PUM3: variants seen among roughly 807,000 people sequenced by gnomAD.
The protein encoded by PUM3 is pumilio RNA binding family member 3.
In PUM3, 91 loss-of-function variants were observed where a neutral mutation model predicts 84.0. The ratio of observed to expected loss-of-function variants is 1.08; its 90% CI spans 0.91 to 1.29. PUM3 has a LOEUF of 1.29. Ranked by LOEUF, PUM3 falls within the 50% of genes most tolerant of loss-of-function variation. The pLI, the probability that PUM3 is intolerant of heterozygous loss-of-function variation, is 0.00. For synonymous variants in PUM3, 321 were observed against 266.7 expected, an observed-to-expected ratio of 1.20 and a Z score of -1.98; for missense variants, 1,067 against 767.5, an observed-to-expected ratio of 1.39 and a Z score of -4.61.
intron 13 of PUM3, among the ~76,000 whole-genome samples, chr9:2,812,913 C>T (rs907944706): frequency 1.3e-5 from 2 of 152,142 alleles, no homozygotes; most frequent in Non-Finnish European, 2.9e-5. Context: ...AATGTAGCAC[C>T]GGCATGAATG....
chr9:2,840,057 T>G (rs1044432553), intron 1 of PUM3, among the ~76,000 whole-genome samples: 2 of 152,156 alleles, frequency 1.3e-5, no homozygotes, highest in African/African-American at 2.4e-5. Context: ...TATTCCTCAT[T>G]TGGGGTTTGC....
intron 5 of PUM3, among the ~76,000 whole-genome samples, chr9:2,832,103 A>G (rs189414620): frequency 2.5e-4 from 38 of 152,302 alleles, no homozygotes; most frequent in Non-Finnish European, 4.9e-4. Flanking sequence ...AAGTTTCTGA[A>G]TTCCAACAAA....
chr9:2,812,203 A>G lies in PUM3; in HGVS notation c.1412+17T>C. On this transcript the variant is annotated intron_variant, in intron 14 of 17. Transcript: ENST00000397885. Reference sequence around the variant, plus strand: ...AACAGAGGAATAAAGAAGTCAAGCCATTCTACTTGGTTTTACCTGTGTGCA... The same window carrying G: ...AACAGAGGAATAAAGAAGTCAAGCCGTTCTACTTGGTTTTACCTGTGTGCA... The G allele has an allele frequency of 1.2e-6, 2 of 1,610,374 alleles. No individual in the cohort carries two copies. Among genetic ancestry groups the G allele is most frequent in the Non-Finnish European group, 1.7e-6 (2 of 1,176,760 alleles).
chr9:2,806,448 A>C (rs10968241), intron 17 of PUM3, among the ~76,000 whole-genome samples: 4,276 of 152,214 alleles, frequency 0.028, 180 homozygotes, highest in African/African-American at 0.092. Context: ...GAAACACTTA[A>C]AATAACATTT....
At chr9:2,827,552 G>C (rs1156594269) in intron 9 of PUM3, among the ~76,000 whole-genome samples, 1 of 152,114 alleles carries the variant, frequency 6.6e-6, no homozygotes, top group African/African-American at 2.4e-5. Flanking sequence ...CAATCCATCT[G>C]TTTCACAAAA....
At chr9:2,826,711 T>C (rs1395449577) in intron 10 of PUM3, among the ~76,000 whole-genome samples, 1 of 152,210 alleles carries the variant, frequency 6.6e-6, no homozygotes, top group Non-Finnish European at 1.5e-5. Flanking sequence ...AACCTTTTAA[T>C]GCCAAGCTAA....
intron 13 of PUM3, among the ~76,000 whole-genome samples, chr9:2,817,365 T>G (rs1208548796): frequency 1.3e-5 from 2 of 152,144 alleles, no homozygotes; most frequent in African/African-American, 4.8e-5. Context: ...ATAATGGTTT[T>G]TACATTTCAA....
intron 17 of PUM3, among the ~76,000 whole-genome samples, chr9:2,806,630 GA>G (rs754236218): frequency 6.6e-6 from 1 of 152,140 alleles, no homozygotes; most frequent in Non-Finnish European, 1.5e-5. Flanking sequence ...GCTCTTAACA[GA>G]AGGTTTTCAT....
At position 2,804,265 on chromosome 9, in the gene PUM3, T is replaced by C; in HGVS notation, c.*66A>G. ...AGTATGGTGGACCCTACCCCTTCTT[T>C]TCTGCATTGGGAAACAGAACAGAGA... On this transcript the variant is annotated 3_prime_UTR_variant, in exon 18 of 18. Coordinates refer to ENST00000397885, the MANE Select transcript of PUM3 (RefSeq NM_014878.5). 2 of 1,544,264 alleles carry C rather than the reference T, an allele frequency of 1.3e-6. No individual in the cohort carries two copies. Among genetic ancestry groups the C allele is most frequent in the Non-Finnish European group, 1.8e-6 (2 of 1,137,400 alleles).
In PUM3 at chr9:2,837,264, C is replaced by T. The variant is rs1320798016; in HGVS notation, c.220G>A (p.Gly74Arg). The change falls in exon 3 of 18, where the codon GGG (glycine) becomes AGG (arginine). Residue 74 changes from glycine (G) to arginine (R), a missense_variant. Gly to Arg is a moderately radical substitution (Grantham distance 125). Coordinates refer to ENST00000397885, the MANE Select transcript of PUM3 (RefSeq NM_014878.5). ...AATTTGTTCTTTGGTGATTTGTCCC[C>T]TTGCTGCTTATTCTTGAACTGCTTT... ...GVKQFKNKQQ[G>R]DKSPKNKFQP... The T allele has an allele frequency of 6.2e-7, 1 of 1,614,082 alleles. No individual in the cohort carries two copies. Among genetic ancestry groups the T allele is most frequent in the Middle Eastern group, 1.6e-4 (1 of 6,062 alleles).
At chr9:2,822,489 G>A (rs1336390169) in intron 12 of PUM3, among the ~76,000 whole-genome samples, 5 of 151,482 alleles carry the variant, frequency 3.3e-5, no homozygotes, top group Non-Finnish European at 5.9e-5. Context: ...GTAACTCTTC[G>A]AGATTTAAAA....
chr9:2,814,791 G>GT (rs950148951), intron 13 of PUM3, among the ~76,000 whole-genome samples: 6 of 152,036 alleles, frequency 3.9e-5, no homozygotes, highest in African/African-American at 7.2e-5. Flanking sequence ...TTAAAAATTT[G>GT]TTTTTTTGAG....
chr9:2,830,399 C>T (rs758330441), intron 7 of PUM3, among the ~76,000 whole-genome samples: 8 of 152,196 alleles, frequency 5.3e-5, no homozygotes, highest in Non-Finnish European at 8.8e-5. Context: ...AAGACAAGTA[C>T]TAATTCCACT....
Position 2,831,310 on chromosome 9 carries a change from T to C in PUM3, c.551A>G (p.Gln184Arg). The part of the protein sequence containing the change: ...AFAHDSTRVI[Q>R]CYIQYGNEEQ... ...TTCATTACCATACTGAATGTAACACTGGATCACACGAGTTGAATCGTGTGC... is the reference window on the plus strand; with the variant it reads ...TTCATTACCATACTGAATGTAACACCGGATCACACGAGTTGAATCGTGTGC... Residue 184 changes from glutamine (Q) to arginine (R), a missense_variant, in exon 6 of 18, where the codon CAG becomes CGG. Transcript: ENST00000397885. 1.9e-6 allele frequency: 3 copies of C among 1,609,974 alleles called. No homozygotes were observed. Among genetic ancestry groups the C allele is most frequent in the Non-Finnish European group, 2.5e-6 (3 of 1,178,626 alleles).
chr9:2,831,437 A>G (rs1371628382), intron 5 of PUM3, 93 bp from the exon 6 acceptor site: 2 of 795,178 alleles, frequency 2.5e-6, no homozygotes, highest in Non-Finnish European at 4.2e-6. Context: ...TCTTGTTAGA[A>G]AAAAAGGTAG....
chr9:2,825,032 A>G (rs772127968), intron 10 of PUM3, among the ~76,000 whole-genome samples: 3 of 152,358 alleles, frequency 2.0e-5, no homozygotes, highest in South Asian at 2.1e-4. Flanking sequence ...CTGGCAGACA[A>G]TATCTATTAA....
chr9:2,805,953 G>C (rs1010553555), intron 17 of PUM3, among the ~76,000 whole-genome samples: 3 of 152,256 alleles, frequency 2.0e-5, no homozygotes, highest in African/African-American at 7.2e-5. Flanking sequence ...ATACAAGGCT[G>C]ATTTTCTTTT....
rs1158296691 is a variant in PUM3 at position 2,834,145 on chromosome 9, T to C, written c.326A>G (p.Lys109Arg). Residue 109 changes from lysine to arginine, a missense_variant, in exon 4 of 18, where the codon AAA becomes AGA. Transcript: ENST00000397885. ...CTTCTTCTTTTTGAAGTCATCCCAT[T>C]TGGGCTTCTTGGCTGCTGATTCTAG... ...RSDESAAKKP[K>R]WDDFKKKKKE... 1.2e-6 allele frequency: 2 copies of C among 1,612,572 alleles called. No individual in the cohort carries two copies. The highest frequency in any genetic ancestry group is 1.3e-5 in the African/African-American group (1 of 74,826).
At chr9:2,812,015 G>A (rs1406650067) in intron 14 of PUM3, among the ~76,000 whole-genome samples, 1 of 152,136 alleles carries the variant, frequency 6.6e-6, no homozygotes, top group Non-Finnish European at 1.5e-5. Flanking sequence ...TGTGCCAGGT[G>A]CTCAGGTGTT....
Sources: gnomAD v4.1 joint callset for allele counts (sites outside exome capture counted in the v4.1 genomes callset) on GRCh38, gnomAD v4.1.1 for gene constraint, MANE v1.5 for transcripts, NCBI Gene and HGNC (gene_info 2026-07-23, HGNC 2026-07-21) for gene names.